The following MTHFD1L variants were observed in gnomAD, a reference collection of about 807,000 sequenced individuals.
MTHFD1L encodes monofunctional C1-tetrahydrofolate synthase, mitochondrial.
MTHFD1L carries 81 observed loss-of-function variants against 119.5 expected under a neutral mutation model. The ratio of observed to expected loss-of-function variants is 0.68; its 90% CI spans 0.57 to 0.82. The LOEUF is 0.82. Ranked by LOEUF, MTHFD1L falls within the 40% of genes least tolerant of loss-of-function variation. The pLI, the probability that MTHFD1L is intolerant of heterozygous loss-of-function variation, is 0.00. For missense variants in MTHFD1L, 1,125 were observed against 1,253.4 expected, an observed-to-expected ratio of 0.90 and a Z score of 1.55; for synonymous variants, 430 against 475.2, an observed-to-expected ratio of 0.90 and a Z score of 1.24.
chr6:151,009,731 C>T, intron 20 of MTHFD1L, 88 bp from the exon 21 acceptor site: 1 of 1,419,958 alleles, frequency 7.0e-7, no homozygotes, highest in Non-Finnish European at 9.8e-7. Context: ...TGTAAGCTGT[C>T]CTTTGAGCTC....
At chr6:150,972,274 T>C (rs933791048) in intron 20 of MTHFD1L, among the ~76,000 whole-genome samples, 1 of 152,176 alleles carries the variant, frequency 6.6e-6, no homozygotes, top group Non-Finnish European at 1.5e-5. Flanking sequence ...CAAGTACATA[T>C]GGGTTTGAGT....
chr6:150,913,192 G>T (rs56848139), intron 8 of MTHFD1L, among the ~76,000 whole-genome samples: 1 of 151,408 alleles, frequency 6.6e-6, no homozygotes, highest in African/African-American at 2.4e-5. Context: ...GCAGAGTCTC[G>T]CTCCCTCCCC....
chr6:151,095,374 A>G (rs1471924437), intron 27 of MTHFD1L, among the ~76,000 whole-genome samples: 1 of 152,146 alleles, frequency 6.6e-6, no homozygotes, highest in Non-Finnish European at 1.5e-5. Flanking sequence ...ATTATGTTAC[A>G]TTTCTGCCAT....
intron 6 of MTHFD1L, among the ~76,000 whole-genome samples, chr6:150,886,352 C>G (rs1038141827): frequency 6.7e-6 from 1 of 149,736 alleles, no homozygotes; most frequent in African/African-American, 2.5e-5. Flanking sequence ...GGGAAGATCG[C>G]TTGAGCCCAG....
At chr6:150,996,920 G>A (rs150336056) in intron 20 of MTHFD1L, among the ~76,000 whole-genome samples, 1,853 of 152,182 alleles carry the variant, frequency 0.012, 42 homozygotes, top group African/African-American at 0.042. Flanking sequence ...TTCTAGGTGC[G>A]GTGGAGAAAG....
intron 7 of MTHFD1L, among the ~76,000 whole-genome samples, chr6:150,901,948 A>G (rs1785158369): frequency 6.6e-6 from 1 of 152,098 alleles, no homozygotes; most frequent in Admixed American, 6.6e-5. Flanking sequence ...ATAAACCACA[A>G]TTCTTTAGAA....
chr6:151,042,475 T>C (rs56912071), intron 26 of MTHFD1L, among the ~76,000 whole-genome samples: 1,684 of 152,332 alleles, frequency 0.011, 29 homozygotes, highest in African/African-American at 0.037. Context: ...TACCCTGTTA[T>C]GGTATGCTTC....
At chr6:150,897,636 G>A (rs1021970058) in intron 7 of MTHFD1L, among the ~76,000 whole-genome samples, 1 of 152,200 alleles carries the variant, frequency 6.6e-6, no homozygotes, top group Non-Finnish European at 1.5e-5. Flanking sequence ...GGCCAGTGAA[G>A]TGTATACTGC....
In MTHFD1L at chr6:151,057,142, C is replaced by G. The variant is rs551778557; in HGVS notation, c.2847+20025C>G. 198 of 962,886 alleles carry G rather than the reference C, an allele frequency of 2.1e-4. No homozygotes were observed. In the African/African-American group the frequency reaches 3.3e-3, roughly 16 times the overall value. 59.6% of individuals were successfully genotyped at this position (962,886 alleles called of 1,614,324 possible). A position where few individuals can be genotyped will look rare whatever the true frequency, so the allele number is the denominator to read the frequency against. ...TCTGGTAATTGTAGGCTTGCTGGAC[C>G]CAGTGCCTGCCTTCTAACTGAATCT... On this transcript the variant is annotated intron_variant, in intron 26 of 27. Coordinates refer to ENST00000367321, the MANE Select transcript of MTHFD1L (RefSeq NM_015440.5).
At chr6:151,056,171 T>C (rs1310979538) in intron 26 of MTHFD1L, 1 of 152,018 alleles carries the variant, frequency 6.6e-6, no homozygotes, top group Non-Finnish European at 1.5e-5. Context: ...TCCTGGACTT[T>C]CTGTCATCCG....
At chr6:151,061,729 T>A (rs1294745548) in intron 26 of MTHFD1L, among the ~76,000 whole-genome samples, 2 of 152,198 alleles carry the variant, frequency 1.3e-5, no homozygotes, top group Non-Finnish European at 2.9e-5. Context: ...CAAAGGGTCA[T>A]TAAAACCAGG....
chr6:150,922,186 C>T lies in MTHFD1L; in HGVS notation c.985-19C>T. On this transcript the variant is annotated intron_variant, in intron 9 of 27. Transcript: ENST00000367321. ...GCTTTTACCATTCTAACATGTTTTC[C>T]CCTCTATCCCTGCTGAAGAACATGG... 6.3e-7 allele frequency: 1 copy of T among 1,589,770 alleles called. No individual in the cohort carries two copies. The highest frequency in any genetic ancestry group is 1.7e-4 in the Middle Eastern group (1 of 5,994).
intron 26 of MTHFD1L, among the ~76,000 whole-genome samples, chr6:151,050,742 A>G (rs1788896591): frequency 6.6e-6 from 1 of 152,112 alleles, no homozygotes; most frequent in African/African-American, 2.4e-5. Context: ...AACCCCATAC[A>G]CATTTGGTCA....
chr6:151,059,939 G>A (rs113110652), intron 26 of MTHFD1L, among the ~76,000 whole-genome samples: 34 of 152,274 alleles, frequency 2.2e-4, no homozygotes, highest in African/African-American at 7.0e-4. Flanking sequence ...AATGTAGGGC[G>A]GGTACAAGAG....
chr6:150,886,435 CAAAAAAAAAA>C (rs996165446), intron 6 of MTHFD1L, among the ~76,000 whole-genome samples: 18 of 69,642 alleles, frequency 2.6e-4, no homozygotes, highest in African/African-American at 8.2e-4. Context: ...GACCCTGCCT[CAAAAAAAAAA>C]AAAAAAAAAA....
chr6:150,911,999 A>G (rs369365553), intron 8 of MTHFD1L, among the ~76,000 whole-genome samples: 1 of 152,080 alleles, frequency 6.6e-6, no homozygotes, highest in South Asian at 2.1e-4. Flanking sequence ...ACACAGCCAA[A>G]CCATATCAGA....
chr6:150,980,227 C>T (rs199643089), intron 20 of MTHFD1L, among the ~76,000 whole-genome samples: 1 of 152,174 alleles, frequency 6.6e-6, no homozygotes, highest in Admixed American at 6.5e-5. Flanking sequence ...AATCACAGGT[C>T]GTGTTTTTCA....
chr6:150,940,741 C>T (rs1336437495), intron 13 of MTHFD1L, among the ~76,000 whole-genome samples: 1 of 152,170 alleles, frequency 6.6e-6, no homozygotes. Flanking sequence ...CCACCATGCC[C>T]AGCTAATTTT....
At chr6:151,026,496 AGTGGCAGTG>A (rs1407116352) in intron 24 of MTHFD1L, among the ~76,000 whole-genome samples, 2 of 152,250 alleles carry the variant, frequency 1.3e-5, no homozygotes, top group Admixed American at 1.3e-4. Flanking sequence ...TGTGATAGAA[AGTGGCAGTG>A]GACAGCTTTG....
Sources: gnomAD v4.1 joint callset for allele counts (sites outside exome capture counted in the v4.1 genomes callset) on GRCh38, gnomAD v4.1.1 for gene constraint, MANE v1.5 for transcripts, NCBI Gene and HGNC (gene_info 2026-07-23, HGNC 2026-07-21) for gene names.